Variants in CSMD1 observed in about 807,000 individuals in gnomAD.
CSMD1 encodes the protein CUB and sushi domain-containing protein 1.
Under a neutral mutation model 417.5 loss-of-function variants are expected in CSMD1, and 213 were observed. That is an observed-to-expected ratio of 0.51 (90% CI 0.46 to 0.57). CSMD1 has a LOEUF of 0.57. CSMD1 is among the 20% of genes least tolerant of loss of function. The pLI is 0.00. For synonymous variants in CSMD1, 2,862 were observed against 1,736.8 expected (o/e 1.65, Z -16.11); for missense variants, 6,923 against 4,529.7 (o/e 1.53, Z -15.17).
At chr8:3,382,664 A>T (rs1241053818) in intron 18 of CSMD1, among the ~76,000 whole-genome samples, 3 of 149,390 alleles carry the variant, frequency 2.0e-5, no homozygotes, top group African/African-American at 7.3e-5. Flanking sequence ...TATAAAATGT[A>T]TCTGCATAGC....
At position 4,552,829 on chromosome 8, in the gene CSMD1, A is replaced by G. The variant is rs574256710; in HGVS notation, c.302+84513T>C. ...CTCCTTCACAGGATAGCCCACTGCA[A>G]TTATGCTCTAGCTGGATGTTTGTGA... On this transcript the variant is annotated intron_variant, in intron 2 of 69. Transcript: ENST00000635120. Among the ~76,000 whole-genome samples the G allele has an allele frequency of 5.9e-5, 9 of 152,314 alleles. No homozygotes were observed. In the South Asian group the frequency reaches 6.2e-4, roughly 11 times the overall value.
At chr8:3,713,147 C>A (rs867129871) in intron 6 of CSMD1, among the ~76,000 whole-genome samples, 12 of 152,146 alleles carry the variant, frequency 7.9e-5, no homozygotes, top group Middle Eastern at 6.8e-3. Flanking sequence ...AGTTTAAGGG[C>A]TGAAAAATCA....
intron 5 of CSMD1, among the ~76,000 whole-genome samples, chr8:3,937,144 G>C (rs1810552438): frequency 6.6e-6 from 1 of 152,158 alleles, no homozygotes; most frequent in South Asian, 2.1e-4. Context: ...GATGAGCAAA[G>C]AAAGTGGTTT....
At chr8:3,792,688 C>G (rs1799817899) in intron 5 of CSMD1, among the ~76,000 whole-genome samples, 1 of 152,166 alleles carries the variant, frequency 6.6e-6, no homozygotes, top group Admixed American at 6.5e-5. Context: ...ATCATGAAAT[C>G]TTTTCTAAAA....
chr8:4,429,252 T>C (rs1215261422), intron 2 of CSMD1, among the ~76,000 whole-genome samples: 3 of 152,038 alleles, frequency 2.0e-5, no homozygotes, highest in Non-Finnish European at 4.4e-5. Context: ...TCATGAGATT[T>C]CAACAGTCCT....
intron 49 of CSMD1, among the ~76,000 whole-genome samples, chr8:3,054,123 A>G (rs1812056753): frequency 6.6e-6 from 1 of 152,206 alleles, no homozygotes; most frequent in African/African-American, 2.4e-5. Context: ...CTGCAAAAGC[A>G]CAGGTTATCT....
At chr8:3,503,343 T>C (rs1206574874) in intron 10 of CSMD1, among the ~76,000 whole-genome samples, 1 of 152,240 alleles carries the variant, frequency 6.6e-6, no homozygotes, top group Non-Finnish European at 1.5e-5. Flanking sequence ...GATTCACACA[T>C]TATTTCAAAT....
At chr8:4,195,654 C>G (rs1416071914) in intron 3 of CSMD1, among the ~76,000 whole-genome samples, 5 of 152,152 alleles carry the variant, frequency 3.3e-5, no homozygotes, top group Admixed American at 1.3e-4. Context: ...GATGCTCCTT[C>G]TAGGCATGAT....
intron 2 of CSMD1, among the ~76,000 whole-genome samples, chr8:4,420,585 C>T (rs1224572182): frequency 6.6e-6 from 1 of 152,004 alleles, no homozygotes; most frequent in Non-Finnish European, 1.5e-5. Flanking sequence ...TGTGTATAAA[C>T]ATTTGTGCAC....
chr8:3,830,653 C>G (rs1009565676), intron 5 of CSMD1, among the ~76,000 whole-genome samples: 1 of 152,080 alleles, frequency 6.6e-6, no homozygotes, highest in African/African-American at 2.4e-5. Flanking sequence ...TATCAATGTG[C>G]CTAGGAATTC....
chr8:4,566,480 C>T (rs937629970), intron 2 of CSMD1, among the ~76,000 whole-genome samples: 6 of 150,896 alleles, frequency 4.0e-5, no homozygotes, highest in Non-Finnish European at 7.4e-5. Context: ...GGTGAAACCC[C>T]GTCTCTACTA....
intron 10 of CSMD1, among the ~76,000 whole-genome samples, chr8:3,523,080 C>T (rs181208620): frequency 1.1e-4 from 16 of 151,814 alleles, no homozygotes; most frequent in Admixed American, 4.6e-4. Flanking sequence ...ATTCAGGTCT[C>T]TAACTCCACA....
chr8:4,119,942 AATAGGTATC>A (rs1240348724), intron 3 of CSMD1, among the ~76,000 whole-genome samples: 1 of 47,398 alleles, frequency 2.1e-5, no homozygotes, highest in African/African-American at 7.6e-5. Context: ...GGGGATGGTT[AATAGGTATC>A]AAAAAAATTA....
chr8:4,409,492 G>T (rs116344688), intron 3 of CSMD1, among the ~76,000 whole-genome samples: 336 of 152,190 alleles, frequency 2.2e-3, no homozygotes, highest in African/African-American at 7.5e-3. Context: ...TGATATTTGA[G>T]AACAATAAAA....
At chr8:3,822,549 C>T (rs745577558) in intron 5 of CSMD1, among the ~76,000 whole-genome samples, 1 of 152,206 alleles carries the variant, frequency 6.6e-6, no homozygotes, top group Non-Finnish European at 1.5e-5. Flanking sequence ...ACAGGCAATT[C>T]TTTGCTTCCG....
At chr8:4,604,050 AGTT>A in intron 2 of CSMD1, among the ~76,000 whole-genome samples, 1 of 152,216 alleles carries the variant, frequency 6.6e-6, no homozygotes, top group East Asian at 1.9e-4. Flanking sequence ...GTTTATTGAC[AGTT>A]GTTAACTTAC....
intron 3 of CSMD1, among the ~76,000 whole-genome samples, chr8:4,085,449 T>G (rs971381734): frequency 6.6e-6 from 1 of 152,222 alleles, no homozygotes; most frequent in Non-Finnish European, 1.5e-5. Flanking sequence ...TGAGTTTTAA[T>G]TGCTCAGATC....
intron 7 of CSMD1, among the ~76,000 whole-genome samples, chr8:3,626,944 A>C (rs866662630): frequency 6.6e-6 from 1 of 151,446 alleles, no homozygotes; most frequent in Non-Finnish European, 1.5e-5. Context: ...ATACAGTTTT[A>C]AATACACAGT....
intron 18 of CSMD1, among the ~76,000 whole-genome samples, chr8:3,374,638 G>A (rs1025835443): frequency 1.3e-5 from 2 of 152,172 alleles, no homozygotes; most frequent in Non-Finnish European, 2.9e-5. Context: ...TGAGTATGGA[G>A]TAAGTGATAC....
Sources: gnomAD v4.1 joint callset for allele counts (sites outside exome capture counted in the v4.1 genomes callset) on GRCh38, gnomAD v4.1.1 for gene constraint, MANE v1.5 for transcripts, NCBI Gene and HGNC (gene_info 2026-07-23, HGNC 2026-07-21) for gene names.